Variants in PPTC7 observed in about 807,000 individuals in gnomAD.
PPTC7 encodes protein phosphatase PTC7 homolog.
A neutral mutation model predicts 30.8 loss-of-function variants in PPTC7; 6 were observed. The observed-to-expected ratio is 0.19, with a 90% CI of 0.11 to 0.38. PPTC7 has a LOEUF of 0.38. Among genes scored for constraint, PPTC7 ranks in the 10% least tolerant of loss-of-function variants. The pLI, the probability that PPTC7 is intolerant of heterozygous loss-of-function variation, is 1.00. For missense variants in PPTC7, 218 were observed against 404.8 expected, an observed-to-expected ratio of 0.54 and a Z score of 3.96; for synonymous variants, 163 against 168.1, an observed-to-expected ratio of 0.97 and a Z score of 0.23.
chr12:110,543,114 A>G (rs1290723342), intron 3 of PPTC7, among the ~76,000 whole-genome samples: 1 of 152,250 alleles, frequency 6.6e-6, no homozygotes, highest in Non-Finnish European at 1.5e-5. Context: ...CTCCACGGAA[A>G]AACCCCAACA....
intron 1 of PPTC7, among the ~76,000 whole-genome samples, chr12:110,563,351 T>C (rs2064454532): frequency 6.6e-6 from 1 of 151,928 alleles, no homozygotes; most frequent in Admixed American, 6.6e-5. Context: ...ATGAGGTGGC[T>C]TACGCCTGTA....
chr12:110,550,223 AT>A (rs796973487), intron 2 of PPTC7, among the ~76,000 whole-genome samples: 2,972 of 103,078 alleles, frequency 0.029, 26 homozygotes, highest in Non-Finnish European at 0.042. Context: ...ACAGGGGCTG[AT>A]TTTTTTTTTT....
At chr12:110,569,991 T>A (rs1001277437) in intron 1 of PPTC7, among the ~76,000 whole-genome samples, 1 of 152,122 alleles carries the variant, frequency 6.6e-6, no homozygotes, top group Non-Finnish European at 1.5e-5. Context: ...AAGCACAAGA[T>A]CCTGGAACAA....
Position 110,533,696 on chromosome 12 carries a change from C to A in PPTC7, c.*3341G>T, listed in dbSNP as rs2064191791. The A allele has an allele frequency of 6.6e-6, 1 of 152,048 alleles. No homozygotes were observed. The highest frequency in any genetic ancestry group is 2.4e-5 in the African/African-American group (1 of 41,364). 9.4% of individuals were successfully genotyped at this position (152,048 alleles called of 1,614,324 possible). On this transcript the variant is annotated 3_prime_UTR_variant, in exon 6 of 6. Transcript: ENST00000354300. ...CCAAAGATAGCTGGTATTAAGGTGA[C>A]CTAAAGAACCATGAACTCATCCAAA... is the stretch of plus-strand genomic sequence containing the variant.
chr12:110,550,852 C>T (rs1342296050), intron 2 of PPTC7, among the ~76,000 whole-genome samples: 1 of 152,222 alleles, frequency 6.6e-6, no homozygotes, highest in Non-Finnish European at 1.5e-5. Context: ...ACAACTTGAA[C>T]TCATCACAGG....
chr12:110,539,975 TAAG>T (rs756779816), intron 3 of PPTC7, 30 bp from the exon 4 acceptor site: 1 of 1,609,144 alleles, frequency 6.2e-7, no homozygotes, highest in South Asian at 1.1e-5. Context: ...GGGACAAAGT[TAAG>T]AAGGCCCTTT....
intron 3 of PPTC7, among the ~76,000 whole-genome samples, chr12:110,540,847 C>T (rs551167421): frequency 5.1e-4 from 77 of 151,690 alleles, no homozygotes; most frequent in African/African-American, 1.8e-3. Context: ...GCGATCTCGG[C>T]TCACTGCGAG....
chr12:110,552,790 C>T (rs1250350760), intron 1 of PPTC7, among the ~76,000 whole-genome samples: 2 of 151,982 alleles, frequency 1.3e-5, no homozygotes, highest in East Asian at 1.9e-4. Flanking sequence ...TGTGAACCCG[C>T]GAGGCAGAGC....
chr12:110,580,703 AATC>A lies in PPTC7; in HGVS notation c.223+2103_223+2105del, dbSNP rs1333585864. Among the ~76,000 whole-genome samples the A allele has an allele frequency of 3.3e-5, 5 of 151,848 alleles. 1 individual carries two copies. The East Asian group carries it at 9.7e-4, about 30-fold the overall frequency. On this transcript the variant is annotated intron_variant, in intron 1 of 5. Coordinates refer to ENST00000354300, the MANE Select transcript of PPTC7 (RefSeq NM_139283.2). ...ATTTGATACATTTAAATACTCCCCA[AATC>A]ATCAATCAAGTCACGGATCTTTCAC...
Position 110,564,664 on chromosome 12 carries a change from CT to C in PPTC7, c.224-12697del, listed in dbSNP as rs201858424. On this transcript the variant is annotated intron_variant, in intron 1 of 5. Coordinates refer to ENST00000354300, the MANE Select transcript of PPTC7 (RefSeq NM_139283.2). ...CACATGCGGCCTGGCACAAATGTAA[CT>C]TTTTTTTTCCTTTAAACGAGAACAT... 6.6e-3 allele frequency among the ~76,000 whole-genome samples: 1,005 copies of C among 151,422 alleles called. 16 individuals are homozygous for C. The highest frequency in any genetic ancestry group is 0.021 in the African/African-American group (856 of 41,194).
rs1309022253 is a variant in PPTC7, at chr12:110,535,026, ATG to A, written c.*2009_*2010del. 6.6e-6 allele frequency: 1 copy of A among 152,658 alleles called. No homozygotes were observed. The highest frequency in any genetic ancestry group is 2.4e-5 in the African/African-American group (1 of 41,456). The allele number at this position is 152,658 out of a possible 1,614,324, so 9.5% of individuals were successfully genotyped here. On this transcript the variant is annotated 3_prime_UTR_variant, in exon 6 of 6. Coordinates refer to ENST00000354300, the MANE Select transcript of PPTC7 (RefSeq NM_139283.2). ...GCTGAAGTTGTCAGTCCTAATATAA[ATG>A]TATTCATTCTAACAAAACCCTTCTG...
At chr12:110,571,006 T>A (rs1030063229) in intron 1 of PPTC7, among the ~76,000 whole-genome samples, 12 of 152,386 alleles carry the variant, frequency 7.9e-5, no homozygotes, top group Admixed American at 6.5e-4. Flanking sequence ...CACCCCTACA[T>A]CTGGCGCCCA....
chr12:110,566,743 C>T (rs2064487057), intron 1 of PPTC7, among the ~76,000 whole-genome samples: 2 of 152,194 alleles, frequency 1.3e-5, no homozygotes, highest in South Asian at 4.1e-4. Context: ...AGACAATGCC[C>T]ACTCAGAGAT....
intron 1 of PPTC7, among the ~76,000 whole-genome samples, chr12:110,553,853 T>C (rs991149523): frequency 1.3e-5 from 2 of 152,156 alleles, no homozygotes; most frequent in African/African-American, 4.8e-5. Context: ...TGAGCTCACC[T>C]TTCTTTATTT....
intron 1 of PPTC7, among the ~76,000 whole-genome samples, chr12:110,577,710 T>C (rs1053631722): frequency 3.9e-5 from 2 of 51,854 alleles, no homozygotes; most frequent in Admixed American, 2.8e-4. Flanking sequence ...CACTTTTAGG[T>C]TTCAAGTTTA....
chr12:110,533,444 G>C lies in PPTC7; in HGVS notation c.*3593C>G, dbSNP rs115856058. 1 of 152,092 alleles carries C rather than the reference G, an allele frequency of 6.6e-6. No homozygotes were observed. Among genetic ancestry groups the C allele is most frequent in the African/African-American group, 2.4e-5 (1 of 41,418 alleles). 9.4% of individuals were successfully genotyped at this position (152,092 alleles called of 1,614,324 possible). ...AGATTCTAATTTGCTTCATTATTTA[G>C]CCATCTTTGCCACAAACTACCTGCT... On this transcript the variant is annotated 3_prime_UTR_variant, in exon 6 of 6. Transcript: ENST00000354300.
chr12:110,564,209 G>A (rs942607810), intron 1 of PPTC7, among the ~76,000 whole-genome samples: 5 of 152,142 alleles, frequency 3.3e-5, no homozygotes, highest in Non-Finnish European at 5.9e-5. Context: ...GACAGGAGGA[G>A]GCAACAAACA....
chr12:110,561,306 CTTTT>C (rs368718066), intron 1 of PPTC7, among the ~76,000 whole-genome samples: 1 of 149,838 alleles, frequency 6.7e-6, no homozygotes, highest in Admixed American at 6.7e-5. Flanking sequence ...ATCAACATTT[CTTTT>C]TTTTTTCTTT....
intron 1 of PPTC7, among the ~76,000 whole-genome samples, chr12:110,562,009 A>AT (rs2064441851): frequency 6.6e-6 from 1 of 152,140 alleles, no homozygotes; most frequent in Non-Finnish European, 1.5e-5. Flanking sequence ...GTATCTGCAA[A>AT]TAATTATCCC....
Sources: allele counts gnomAD v4.1 joint callset (sites outside exome capture counted in the v4.1 genomes callset), GRCh38; gene constraint gnomAD v4.1.1; transcripts MANE v1.5; gene names NCBI Gene and HGNC (gene_info 2026-07-23, HGNC 2026-07-21).